The following PHACTR4 variants were observed in gnomAD, a reference collection of about 807,000 sequenced individuals.
The protein encoded by PHACTR4 is protein phosphatase 1, regulatory subunit 124.
A neutral mutation model predicts 72.7 loss-of-function variants in PHACTR4; 51 were observed. The ratio of observed to expected loss-of-function variants is 0.70; its 90% CI spans 0.56 to 0.89. The LOEUF is 0.89. PHACTR4 is among the 40% of genes least tolerant of loss of function. The probability of loss-of-function intolerance (pLI) is 0.00; values close to 1 mark genes in which losing one functional copy is unlikely to be tolerated. For missense variants in PHACTR4, 731 were observed against 861.8 expected (o/e 0.85, Z 1.90); for synonymous variants, 255 against 302.5 (o/e 0.84, Z 1.63).
chr1:28,413,766 T>C (rs1329982458), intron 2 of PHACTR4, among the ~76,000 whole-genome samples: 2 of 152,196 alleles, frequency 1.3e-5, no homozygotes, highest in Non-Finnish European at 2.9e-5. Flanking sequence ...GTTTCTTTTA[T>C]GTTAGAGTTT....
chr1:28,485,617 T>C (rs979120244), intron 9 of PHACTR4, among the ~76,000 whole-genome samples: 3 of 145,428 alleles, frequency 2.1e-5, no homozygotes, highest in African/African-American at 5.1e-5. Flanking sequence ...TAATACTGTA[T>C]TGGCCAGGTG....
At chr1:28,454,516 G>A (rs1384393535) in intron 2 of PHACTR4, among the ~76,000 whole-genome samples, 1 of 151,724 alleles carries the variant, frequency 6.6e-6, no homozygotes, top group Non-Finnish European at 1.5e-5. Flanking sequence ...CGCCCACCTC[G>A]GCCTCCCAAA....
chr1:28,474,167 G>A lies in PHACTR4; in HGVS notation c.1421+16G>A. The A allele has an allele frequency of 6.3e-7, 1 of 1,581,606 alleles. No individual in the cohort carries two copies. Among genetic ancestry groups the A allele is most frequent in the Admixed American group, 1.8e-5 (1 of 55,362 alleles). Reference sequence around the variant, plus strand: ...TGCTAAAAGTGTAAGTGCCTTTAAAGCTTGCCTCTTATTTCTCCTTTACTC... The same window carrying A: ...TGCTAAAAGTGTAAGTGCCTTTAAAACTTGCCTCTTATTTCTCCTTTACTC... On this transcript the variant is annotated intron_variant, in intron 7 of 13. Transcript: ENST00000373839.
intron 12 of PHACTR4, among the ~76,000 whole-genome samples, chr1:28,492,536 T>C (rs1401827578): frequency 6.7e-6 from 1 of 149,352 alleles, no homozygotes; most frequent in East Asian, 2.0e-4. Context: ...CCGAAGCAGG[T>C]AGATCTCTTG....
intron 2 of PHACTR4, among the ~76,000 whole-genome samples, chr1:28,447,010 A>C (rs1025810459): frequency 6.6e-6 from 1 of 151,344 alleles, no homozygotes; most frequent in African/African-American, 2.4e-5. Flanking sequence ...CTTTTTATTT[A>C]TTTATTTATT....
At chr1:28,408,700 G>A (rs760443301) in intron 2 of PHACTR4, among the ~76,000 whole-genome samples, 31 of 151,272 alleles carry the variant, frequency 2.0e-4, no homozygotes, top group South Asian at 6.3e-4. Context: ...TTTTGAGATA[G>A]TGTCTCACTC....
At chr1:28,481,292 A>T (rs1660264369) in intron 9 of PHACTR4, 1 of 152,084 alleles carries the variant, frequency 6.6e-6, no homozygotes, top group African/African-American at 2.4e-5. Context: ...GCCCTCCGAA[A>T]GTCCTGGGAT....
At chr1:28,483,315 AGCCCAGGAGGGGCTCAAGGTCG>A (rs541225017) in intron 9 of PHACTR4, among the ~76,000 whole-genome samples, 101 of 152,092 alleles carry the variant, frequency 6.6e-4, no homozygotes, top group Middle Eastern at 3.4e-3. Flanking sequence ...GGATTGCTTG[AGCCCAGGAGGGGCTCAAGGTCG>A]GCCCAGGAGG....
chr1:28,398,486 A>T (rs963233916), intron 1 of PHACTR4, among the ~76,000 whole-genome samples: 1 of 151,942 alleles, frequency 6.6e-6, no homozygotes, highest in African/African-American at 2.4e-5. Flanking sequence ...ATGCCACCGC[A>T]CTCCAGCCTG....
At chr1:28,399,092 A>G (rs1268346902) in intron 1 of PHACTR4, among the ~76,000 whole-genome samples, 2 of 151,934 alleles carry the variant, frequency 1.3e-5, no homozygotes, top group Non-Finnish European at 2.9e-5. Context: ...CGGGTGGATC[A>G]CCAGAGGTCA....
intron 2 of PHACTR4, among the ~76,000 whole-genome samples, chr1:28,414,434 A>G (rs940311521): frequency 2.4e-5 from 3 of 125,814 alleles, no homozygotes; most frequent in Non-Finnish European, 4.7e-5. Context: ...TCTCAAAAAA[A>G]AAAAAAAAAA....
chr1:28,406,270 G>A (rs761166861), intron 1 of PHACTR4, among the ~76,000 whole-genome samples: 3 of 152,030 alleles, frequency 2.0e-5, no homozygotes, highest in Non-Finnish European at 4.4e-5. Context: ...TTTGTCACCA[G>A]GCTACTATAA....
intron 2 of PHACTR4, among the ~76,000 whole-genome samples, chr1:28,408,619 T>C (rs891903527): frequency 6.6e-6 from 1 of 151,980 alleles, no homozygotes; most frequent in African/African-American, 2.4e-5. Flanking sequence ...ATGTGTAATA[T>C]ATATGTACGT....
intron 1 of PHACTR4, among the ~76,000 whole-genome samples, chr1:28,399,652 TGAACA>T (rs1653798787): frequency 6.6e-6 from 1 of 152,094 alleles, no homozygotes; most frequent in Admixed American, 6.6e-5. Flanking sequence ...GATATAGTAG[TGAACA>T]GAACAGATAA....
intron 2 of PHACTR4, among the ~76,000 whole-genome samples, chr1:28,427,238 ATAT>A (rs1655927155): frequency 6.6e-6 from 1 of 152,100 alleles, no homozygotes; most frequent in Non-Finnish European, 1.5e-5. Flanking sequence ...TAACAGTATA[ATAT>A]TTGGCCGGAC....
chr1:28,370,626 C>A (rs1408362633), intron 1 of PHACTR4, among the ~76,000 whole-genome samples: 1 of 94,220 alleles, frequency 1.1e-5, no homozygotes, highest in African/African-American at 5.5e-5. Context: ...AAAAAAAACC[C>A]TCCAGTGCTT....
chr1:28,481,936 C>A (rs1016354093), intron 9 of PHACTR4, among the ~76,000 whole-genome samples: 9 of 152,016 alleles, frequency 5.9e-5, no homozygotes, highest in Non-Finnish European at 8.8e-5. Flanking sequence ...CTCGCTCTGT[C>A]ACCCAGGCTG....
At chr1:28,487,274 G>A (rs1660713025) in intron 9 of PHACTR4, among the ~76,000 whole-genome samples, 1 of 151,848 alleles carries the variant, frequency 6.6e-6, no homozygotes, top group Non-Finnish European at 1.5e-5. Context: ...GCTGCGGCAG[G>A]AGAATCTCTT....
At chr1:28,390,606 A>G (rs1248154327) in intron 1 of PHACTR4, among the ~76,000 whole-genome samples, 1 of 152,060 alleles carries the variant, frequency 6.6e-6, no homozygotes, top group East Asian at 1.9e-4. Flanking sequence ...CCTGGCCAAC[A>G]TGGTGATACC....
Sources: gnomAD v4.1 joint callset for allele counts (sites outside exome capture counted in the v4.1 genomes callset) on GRCh38, gnomAD v4.1.1 for gene constraint, MANE v1.5 for transcripts, NCBI Gene and HGNC (gene_info 2026-07-23, HGNC 2026-07-21) for gene names.